Variants in PXDNL observed in about 807,000 individuals in gnomAD.
PXDNL encodes peroxidasin like.
PXDNL carries 145 observed loss-of-function variants against 150.8 expected under a neutral mutation model. The observed-to-expected ratio is 0.96, with a 90% CI of 0.84 to 1.10. The LOEUF (loss-of-function observed/expected upper bound fraction) is 1.10, where lower values mean the gene tolerates loss of function less well. Among genes scored for constraint, PXDNL ranks in the 50% least tolerant of loss-of-function variants. PXDNL has a pLI of 0.00. For missense variants in PXDNL, 2,087 were observed against 1,873.9 expected (o/e 1.11, Z -2.10); for synonymous variants, 757 against 725.7 (o/e 1.04, Z -0.69).
At chr8:51,688,086 A>T (rs1243951540) in intron 1 of PXDNL, among the ~76,000 whole-genome samples, 1 of 152,204 alleles carries the variant, frequency 6.6e-6, no homozygotes, top group Non-Finnish European at 1.5e-5. Context: ...AGAGAAAATC[A>T]TTTACCTTTG....
intron 17 of PXDNL, among the ~76,000 whole-genome samples, chr8:51,386,638 G>C (rs566685021): frequency 4.6e-5 from 7 of 151,826 alleles, no homozygotes; most frequent in African/African-American, 1.4e-4. Flanking sequence ...ATGATAGATG[G>C]AAACGTCGTC....
chr8:51,532,954 T>C (rs1811937465), intron 4 of PXDNL, among the ~76,000 whole-genome samples: 1 of 151,982 alleles, frequency 6.6e-6, no homozygotes, highest in South Asian at 2.1e-4. Context: ...TAATGTGAAA[T>C]TGAATGCAAT....
At chr8:51,574,704 T>A (rs1001536567) in intron 3 of PXDNL, among the ~76,000 whole-genome samples, 1 of 152,012 alleles carries the variant, frequency 6.6e-6, no homozygotes, top group African/African-American at 2.4e-5. Context: ...GAATCATAGG[T>A]ATGACAGCAG....
intron 2 of PXDNL, among the ~76,000 whole-genome samples, chr8:51,634,067 A>G (rs1563489914): frequency 6.6e-6 from 1 of 152,156 alleles, no homozygotes. Flanking sequence ...TCCAGCATCC[A>G]GAATGGTATT....
rs1046404484 is a variant in PXDNL, at chr8:51,779,532, C to T, written c.164+29649G>A. ...GGATGGGGCTGACACTGAGAACTGGCCCATTACCTGGAGAAAGCCTGTGCC... is the reference window on the plus strand; with the variant it reads ...GGATGGGGCTGACACTGAGAACTGGTCCATTACCTGGAGAAAGCCTGTGCC... On this transcript the variant is annotated intron_variant, in intron 1 of 22. Transcript: ENST00000356297. Among the ~76,000 whole-genome samples the T allele has an allele frequency of 9.2e-5, 14 of 152,288 alleles. 1 individual carries two copies. The highest frequency in any genetic ancestry group is 4.2e-4 in the South Asian group (2 of 4,810).
At chr8:51,404,752 T>C (rs1324979250) in intron 17 of PXDNL, among the ~76,000 whole-genome samples, 2 of 152,228 alleles carry the variant, frequency 1.3e-5, no homozygotes, top group Non-Finnish European at 2.9e-5. Flanking sequence ...GGAGCCCAGC[T>C]GGCTTCACCC....
At chr8:51,590,685 C>T (rs1309230344) in intron 3 of PXDNL, among the ~76,000 whole-genome samples, 1 of 152,146 alleles carries the variant, frequency 6.6e-6, no homozygotes, top group East Asian at 1.9e-4. Flanking sequence ...ATGTCTATCA[C>T]ATGCCAGCAA....
intron 5 of PXDNL, among the ~76,000 whole-genome samples, chr8:51,494,893 T>C (rs1811007030): frequency 6.6e-6 from 1 of 151,870 alleles, no homozygotes; most frequent in South Asian, 2.1e-4. Flanking sequence ...TTAACAAGGA[T>C]ATCCAGGAAT....
chr8:51,404,997 A>T (rs1360846746), intron 17 of PXDNL, among the ~76,000 whole-genome samples: 1 of 152,024 alleles, frequency 6.6e-6, no homozygotes, highest in African/African-American at 2.4e-5. Flanking sequence ...GCCCTGGGAG[A>T]ATTCGAGCTC....
chr8:51,556,963 T>G lies in PXDNL; in HGVS notation c.309-52A>C. 2.8e-6 allele frequency: 3 copies of G among 1,055,918 alleles called. No homozygotes were observed. The Admixed American group carries it at 5.6e-5, about 20-fold the overall frequency. The allele number at this position is 1,055,918 out of a possible 1,614,324, so 65.4% of individuals were successfully genotyped here. A position where few individuals can be genotyped will look rare whatever the true frequency, so the allele number is the denominator to read the frequency against. Reference sequence around the variant, plus strand: ...ATTATAAATTAGTAGAGATACCACATGTCTTAGATACAAACTTTTTAAACT... The same window carrying G: ...ATTATAAATTAGTAGAGATACCACAGGTCTTAGATACAAACTTTTTAAACT... On this transcript the variant is annotated intron_variant, in intron 3 of 22. Coordinates refer to ENST00000356297, the MANE Select transcript of PXDNL (RefSeq NM_144651.5).
intron 3 of PXDNL, among the ~76,000 whole-genome samples, chr8:51,590,497 G>T (rs995946444): frequency 2.0e-5 from 3 of 152,156 alleles, no homozygotes; most frequent in African/African-American, 7.2e-5. Context: ...CAAAGACATG[G>T]GGTCGTGGCC....
intron 3 of PXDNL, among the ~76,000 whole-genome samples, chr8:51,581,557 C>T (rs1033557256): frequency 6.0e-5 from 9 of 150,530 alleles, no homozygotes; most frequent in Non-Finnish European, 1.3e-4. Context: ...ACATATGCAC[C>T]AGAAAAAGAA....
chr8:51,537,899 C>T (rs1812118969), intron 4 of PXDNL, among the ~76,000 whole-genome samples: 1 of 152,088 alleles, frequency 6.6e-6, no homozygotes, highest in Non-Finnish European at 1.5e-5. Flanking sequence ...TGGAATAGAT[C>T]GGAAAAGCCA....
intron 2 of PXDNL, among the ~76,000 whole-genome samples, chr8:51,595,953 C>T (rs34167924): frequency 0.55 from 82,929 of 151,992 alleles, 27,785 homozygotes; most frequent in Non-Finnish European, 0.75. Context: ...TATGTTACCT[C>T]GGTATATTGC....
chr8:51,342,595 A>G (rs1806022253), intron 20 of PXDNL, among the ~76,000 whole-genome samples: 1 of 152,188 alleles, frequency 6.6e-6, no homozygotes, highest in East Asian at 1.9e-4. Flanking sequence ...GAATGCATAA[A>G]TAAGTAAGAA....
chr8:51,591,323 G>T (rs924351638), intron 3 of PXDNL, among the ~76,000 whole-genome samples: 1 of 152,186 alleles, frequency 6.6e-6, no homozygotes, highest in Non-Finnish European at 1.5e-5. Context: ...TAGGCGAGCA[G>T]ATGGAATTGA....
At chr8:51,714,496 GA>G (rs1015592493) in intron 1 of PXDNL, among the ~76,000 whole-genome samples, 1 of 151,852 alleles carries the variant, frequency 6.6e-6, no homozygotes, top group African/African-American at 2.4e-5. Flanking sequence ...GGCTCAATGG[GA>G]AAAAAAGATT....
chr8:51,528,473 T>C (rs1040666282), intron 4 of PXDNL, among the ~76,000 whole-genome samples: 4 of 152,246 alleles, frequency 2.6e-5, no homozygotes, highest in African/African-American at 9.6e-5. Context: ...TTGTGTTACA[T>C]GTTTAATGTT....
chr8:51,695,375 T>G (rs1367046517), intron 1 of PXDNL, among the ~76,000 whole-genome samples: 1 of 152,184 alleles, frequency 6.6e-6, no homozygotes, highest in Non-Finnish European at 1.5e-5. Context: ...ATTAAAGCAC[T>G]TAGCACAGAA....
Sources: allele counts gnomAD v4.1 joint callset (sites outside exome capture counted in the v4.1 genomes callset), GRCh38; gene constraint gnomAD v4.1.1; transcripts MANE v1.5; gene names NCBI Gene and HGNC (gene_info 2026-07-23, HGNC 2026-07-21).